The following ADAMTSL3 variants were observed in gnomAD, a reference collection of about 807,000 sequenced individuals.
ADAMTSL3 encodes ADAMTS like 3, also known as ADAMTS-like protein 3.
In ADAMTSL3, 128 loss-of-function variants were observed where a neutral mutation model predicts 201.7. The observed-to-expected ratio is 0.63, with a 90% CI of 0.55 to 0.73. The LOEUF is 0.73. Ranked by LOEUF, ADAMTSL3 falls within the 30% of genes least tolerant of loss-of-function variation. The pLI is 0.00. For synonymous variants in ADAMTSL3, 738 were observed against 748.4 expected, an observed-to-expected ratio of 0.99 and a Z score of 0.23; for missense variants, 1,990 against 2,119.6, an observed-to-expected ratio of 0.94 and a Z score of 1.20.
intron 3 of ADAMTSL3, among the ~76,000 whole-genome samples, chr15:83,743,456 T>C (rs1242000282): frequency 1.4e-5 from 2 of 139,148 alleles, no homozygotes; most frequent in African/African-American, 5.5e-5. Flanking sequence ...GAGCTTGCAG[T>C]GAGCCGAGAT....
intron 15 of ADAMTSL3, among the ~76,000 whole-genome samples, chr15:83,911,358 A>T (rs1350086226): frequency 6.6e-6 from 1 of 152,218 alleles, no homozygotes; most frequent in Non-Finnish European, 1.5e-5. Context: ...ATATATGTAT[A>T]ATGTATTTAT....
At chr15:83,885,813 C>T (rs752665284) in intron 10 of ADAMTSL3, among the ~76,000 whole-genome samples, 3 of 152,128 alleles carry the variant, frequency 2.0e-5, no homozygotes, top group Non-Finnish European at 2.9e-5. Context: ...CAACCTCCGC[C>T]TCCCAGGTTT....
At chr15:83,880,388 T>A (rs1292708688) in intron 9 of ADAMTSL3, among the ~76,000 whole-genome samples, 2 of 152,146 alleles carry the variant, frequency 1.3e-5, no homozygotes, top group African/African-American at 2.4e-5. Context: ...TTTTTGTAAA[T>A]AAAGTTTTAT....
intron 23 of ADAMTSL3, among the ~76,000 whole-genome samples, chr15:84,012,509 C>T (rs2068023292): frequency 6.6e-6 from 1 of 152,184 alleles, no homozygotes; most frequent in South Asian, 2.1e-4. Context: ...CTCTGAACTC[C>T]TCTTCTGCCT....
chr15:83,715,954 C>A (rs1208502348), intron 3 of ADAMTSL3, among the ~76,000 whole-genome samples: 1 of 152,188 alleles, frequency 6.6e-6, no homozygotes, highest in Non-Finnish European at 1.5e-5. Flanking sequence ...TCAGTGAAGT[C>A]CTCAGCCTAA....
chr15:83,813,641 A>G (rs1330920956), intron 5 of ADAMTSL3, among the ~76,000 whole-genome samples: 1 of 152,194 alleles, frequency 6.6e-6, no homozygotes, highest in Non-Finnish European at 1.5e-5. Flanking sequence ...GGCTCTCCTC[A>G]GGTTCACTCT....
intron 13 of ADAMTSL3, among the ~76,000 whole-genome samples, chr15:83,897,234 G>C (rs988817093): frequency 6.6e-6 from 1 of 152,018 alleles, no homozygotes; most frequent in Admixed American, 6.6e-5. Context: ...AAAAAATGCT[G>C]ACAACACAAA....
At chr15:83,684,821 ATCT>A (rs1456467235) in intron 2 of ADAMTSL3, among the ~76,000 whole-genome samples, 1 of 152,084 alleles carries the variant, frequency 6.6e-6, no homozygotes, top group Non-Finnish European at 1.5e-5. Context: ...AATTCTATAT[ATCT>A]TCTTTATATA....
At chr15:83,909,731 C>G (rs2065899550) in intron 15 of ADAMTSL3, among the ~76,000 whole-genome samples, 1 of 152,112 alleles carries the variant, frequency 6.6e-6, no homozygotes. Context: ...TCTCCTGCCT[C>G]AGCCTCCCGA....
At chr15:83,730,575 C>T (rs1398524169) in intron 3 of ADAMTSL3, among the ~76,000 whole-genome samples, 1 of 151,838 alleles carries the variant, frequency 6.6e-6, no homozygotes, top group African/African-American at 2.4e-5. Flanking sequence ...GCAAAACCAG[C>T]CTCAAGAACC....
chr15:83,996,061 A>G (rs182250460), intron 23 of ADAMTSL3, among the ~76,000 whole-genome samples: 14 of 152,348 alleles, frequency 9.2e-5, no homozygotes, highest in Admixed American at 2.0e-4. Flanking sequence ...GTTTATAAAT[A>G]TAAAAAACTC....
intron 2 of ADAMTSL3, among the ~76,000 whole-genome samples, chr15:83,703,947 A>G (rs748865449): frequency 5.3e-5 from 8 of 150,658 alleles, no homozygotes; most frequent in Middle Eastern, 6.9e-3. Context: ...AGTTTCTACA[A>G]TGAAGTGCAT....
At chr15:83,940,725 T>G (rs1454423453) in intron 17 of ADAMTSL3, among the ~76,000 whole-genome samples, 2 of 152,238 alleles carry the variant, frequency 1.3e-5, no homozygotes, top group Non-Finnish European at 2.9e-5. Flanking sequence ...TCATTTAGGA[T>G]TCAGGATATA....
At chr15:83,969,554 G>A (rs1397500234) in intron 19 of ADAMTSL3, among the ~76,000 whole-genome samples, 5 of 152,226 alleles carry the variant, frequency 3.3e-5, no homozygotes, top group Admixed American at 3.3e-4. Context: ...CCTTAAAAAT[G>A]TAGGAAACTC....
intron 23 of ADAMTSL3, among the ~76,000 whole-genome samples, chr15:84,012,637 C>A (rs1309660291): frequency 6.6e-6 from 1 of 152,140 alleles, no homozygotes; most frequent in African/African-American, 2.4e-5. Flanking sequence ...ATTTTAAGGC[C>A]AACTGATTAG....
chr15:83,878,468 G>A (rs914729868), intron 9 of ADAMTSL3, among the ~76,000 whole-genome samples: 2 of 152,114 alleles, frequency 1.3e-5, no homozygotes, highest in Admixed American at 6.5e-5. Flanking sequence ...CAAAAAATTA[G>A]CCGGGTGTGG....
At chr15:83,683,675 C>T (rs896220347) in intron 2 of ADAMTSL3, among the ~76,000 whole-genome samples, 1 of 152,156 alleles carries the variant, frequency 6.6e-6, no homozygotes. Flanking sequence ...TAGCAGAAAA[C>T]AGTTCCTGGC....
chr15:83,783,017 A>C (rs944338676), intron 4 of ADAMTSL3, among the ~76,000 whole-genome samples: 1 of 147,914 alleles, frequency 6.8e-6, no homozygotes, highest in Non-Finnish European at 1.5e-5. Context: ...ATATATACAT[A>C]TATACGTATA....
chr15:83,917,451 GTATGTA>G (rs755300779), intron 16 of ADAMTSL3, among the ~76,000 whole-genome samples: 3 of 151,694 alleles, frequency 2.0e-5, no homozygotes, highest in Admixed American at 1.3e-4. Context: ...ATGTATGTAT[GTATGTA>G]TATGTATGTA....
Sources: allele counts gnomAD v4.1 joint callset (sites outside exome capture counted in the v4.1 genomes callset), GRCh38; gene constraint gnomAD v4.1.1; transcripts MANE v1.5; gene names NCBI Gene and HGNC (gene_info 2026-07-23, HGNC 2026-07-21).